The following ROS1 variants were observed in gnomAD, a reference collection of about 807,000 sequenced individuals.
ROS1 encodes the protein proto-oncogene tyrosine-protein kinase ROS.
ROS1 carries 263 observed loss-of-function variants against 273.5 expected under a neutral mutation model. The ratio of observed to expected loss-of-function variants is 0.96; its 90% CI spans 0.87 to 1.06. The LOEUF is 1.06. ROS1 is among the 50% of genes least tolerant of loss of function. The pLI is 0.00. For synonymous variants in ROS1, 1,008 were observed against 954.1 expected, an observed-to-expected ratio of 1.06 and a Z score of -1.04; for missense variants, 2,833 against 2,751.1, an observed-to-expected ratio of 1.03 and a Z score of -0.67.
chr6:117,404,146 A>G (rs2128725647), intron 6 of ROS1, 134 bp downstream of exon 6: 7 of 790,090 alleles, frequency 8.9e-6, no homozygotes, highest in Middle Eastern at 3.2e-4. Flanking sequence ...GTGTGAACCC[A>G]AGAGGCGGAG....
At chr6:117,310,912 T>C in intron 40 of ROS1, 108 bp downstream of exon 40, 1 of 615,504 alleles carries the variant, frequency 1.6e-6, no homozygotes, top group East Asian at 2.9e-5. Flanking sequence ...AAATTATTGC[T>C]AGTTTGAAGG....
chr6:117,383,299 G>A lies in ROS1; in HGVS notation c.2481+18C>T. 6.3e-7 allele frequency: 1 copy of A among 1,591,408 alleles called. No homozygotes were observed. The highest frequency in any genetic ancestry group is 8.6e-7 in the Non-Finnish European group (1 of 1,159,940). ...GCTATTCAGTATTACTAAATGATCA[G>A]ATCTTTTAATTTGTCACCTTTTTCC... On this transcript the variant is annotated intron_variant, in intron 17 of 43. Coordinates refer to ENST00000368507, the MANE Select transcript of ROS1 (RefSeq NM_001378902.1).
At chr6:117,371,153 A>G (rs529930690) in intron 18 of ROS1, among the ~76,000 whole-genome samples, 1 of 152,300 alleles carries the variant, frequency 6.6e-6, no homozygotes, top group South Asian at 2.1e-4. Flanking sequence ...TTTTGCTCCA[A>G]GAACTACCAC....
In ROS1 at chr6:117,332,166, C is replaced by CA. The variant is rs199863437; in HGVS notation, c.5231-2721dup. On this transcript the variant is annotated intron_variant, in intron 32 of 43. Transcript: ENST00000368507. ...GAAAATTTACCAAGCATATGGAAAGCAAAAAAAAAAAAAAAGAGGGTTGCA... is the reference window on the plus strand; with the variant it reads ...GAAAATTTACCAAGCATATGGAAAGCAAAAAAAAAAAAAAAAGAGGGTTGCA... Among the ~76,000 whole-genome samples the CA allele has an allele frequency of 6.4e-3, 517 of 80,842 alleles. 1 individual carries two copies. The highest frequency in any genetic ancestry group is 0.014 in the African/African-American group (297 of 21,976). The allele number at this position is 80,842 out of a possible 152,430, so 53.0% of individuals were successfully genotyped here.
intron 37 of ROS1, 57 bp from the exon 38 acceptor site, chr6:117,318,309 G>T: frequency 8.0e-7 from 1 of 1,248,052 alleles, no homozygotes; most frequent in Non-Finnish European, 1.2e-6. Context: ...TGTGAGCTCA[G>T]TGGGTTAATG....
chr6:117,408,749 A>G (rs1774641910), intron 5 of ROS1, among the ~76,000 whole-genome samples: 2 of 152,306 alleles, frequency 1.3e-5, no homozygotes, highest in East Asian at 1.9e-4. Flanking sequence ...ATGCTGCTAT[A>G]AAGACACATG....
intron 39 of ROS1, among the ~76,000 whole-genome samples, chr6:117,312,618 G>A (rs1775626451): frequency 6.6e-6 from 1 of 151,984 alleles, no homozygotes; most frequent in Non-Finnish European, 1.5e-5. Flanking sequence ...CCTAATTTCA[G>A]TCTGGTGGCT....
At position 117,344,129 on chromosome 6, in the gene ROS1, T is replaced by TG; in HGVS notation, c.4436dup (p.Thr1480AsnfsTer10). 1 of 1,613,994 alleles carries TG rather than the reference T, an allele frequency of 6.2e-7. No individual in the cohort carries two copies. Among genetic ancestry groups the TG allele is most frequent in the Non-Finnish European group, 8.5e-7 (1 of 1,179,934 alleles). ...CTTCTGCATAATAAACCAGGTATGT[T>TG]GGAGTAGGGCTGGTGATGCCATACC... On this transcript the variant is annotated frameshift_variant, in exon 28 of 44. Coordinates refer to ENST00000368507, the MANE Select transcript of ROS1 (RefSeq NM_001378902.1). LOFTEE classifies it high-confidence loss of function.
chr6:117,310,013 G>A (rs2128547687), intron 41 of ROS1, 68 bp downstream of exon 41: 1 of 1,353,976 alleles, frequency 7.4e-7, no homozygotes, highest in East Asian at 2.3e-5. Flanking sequence ...AAGATTAGAT[G>A]TCCTTTTAAA....
chr6:117,398,375 A>G (rs562949496), intron 7 of ROS1, among the ~76,000 whole-genome samples: 1 of 152,312 alleles, frequency 6.6e-6, no homozygotes, highest in Non-Finnish European at 1.5e-5. Flanking sequence ...AGACCCAGTT[A>G]AAAGGCAATA....
chr6:117,334,368 A>T (rs770552408), intron 32 of ROS1, among the ~76,000 whole-genome samples: 1 of 152,214 alleles, frequency 6.6e-6, no homozygotes, highest in African/African-American at 2.4e-5. Flanking sequence ...ATGGAAAAAC[A>T]TTCCATCCCC....
At chr6:117,392,772 C>A (rs980539953) in intron 12 of ROS1, among the ~76,000 whole-genome samples, 7 of 152,126 alleles carry the variant, frequency 4.6e-5, no homozygotes, top group African/African-American at 1.7e-4. Context: ...TAGCAGCTTT[C>A]TTATTAAAGA....
intron 26 of ROS1, among the ~76,000 whole-genome samples, chr6:117,354,090 C>T (rs1779094337): frequency 6.6e-6 from 1 of 152,150 alleles, no homozygotes; most frequent in African/African-American, 2.4e-5. Flanking sequence ...GTGGCTCACG[C>T]CTGTAATCCC....
At chr6:117,326,091 TTA>T (rs56113300) in intron 34 of ROS1, 131 bp downstream of exon 34, 22,721 of 146,014 alleles carry the variant, frequency 0.16, 1,223 homozygotes, top group African/African-American at 0.2. Flanking sequence ...GATAATAAGA[TTA>T]TATATATATA....
At chr6:117,391,217 C>T (rs1030006820) in intron 12 of ROS1, among the ~76,000 whole-genome samples, 6 of 152,234 alleles carry the variant, frequency 3.9e-5, no homozygotes, top group East Asian at 3.9e-4. Context: ...TCCCTGAGGA[C>T]GGATTGTAGC....
At chr6:117,412,093 G>A (rs1469592340) in intron 4 of ROS1, among the ~76,000 whole-genome samples, 1 of 152,108 alleles carries the variant, frequency 6.6e-6, no homozygotes, top group Non-Finnish European at 1.5e-5. Flanking sequence ...TCTATGTCAA[G>A]AAAGAGGGAA....
At chr6:117,365,286 C>T in intron 20 of ROS1, 82 bp from the exon 21 acceptor site, 2 of 1,391,274 alleles carry the variant, frequency 1.4e-6, no homozygotes, top group Non-Finnish European at 1.9e-6. Context: ...AATCTCCAAA[C>T]TTTAGTTCAC....
At chr6:117,388,711 T>G (rs371791053) in intron 13 of ROS1, among the ~76,000 whole-genome samples, 9 of 152,346 alleles carry the variant, frequency 5.9e-5, no homozygotes, top group African/African-American at 2.2e-4. Flanking sequence ...TGGTCTTTCC[T>G]TTACAGAAAA....
At chr6:117,419,578 C>A (rs181368191) in intron 1 of ROS1, among the ~76,000 whole-genome samples, 20 of 152,154 alleles carry the variant, frequency 1.3e-4, no homozygotes, top group African/African-American at 4.6e-4. Flanking sequence ...ATTTTGCAAC[C>A]GAGTGCTTAA....
Sources: gnomAD v4.1 joint callset for allele counts (sites outside exome capture counted in the v4.1 genomes callset) on GRCh38, gnomAD v4.1.1 for gene constraint, MANE v1.5 for transcripts, NCBI Gene and HGNC (gene_info 2026-07-23, HGNC 2026-07-21) for gene names.